Variants in WDFY2 observed in about 807,000 individuals in gnomAD.
WDFY2 encodes WD repeat and FYVE domain containing 2.
WDFY2 carries 36 observed loss-of-function variants against 56.4 expected under a neutral mutation model. The ratio of observed to expected loss-of-function variants is 0.64; its 90% CI spans 0.49 to 0.84. The LOEUF is 0.84. WDFY2 is among the 40% of genes least tolerant of loss of function. The pLI, the probability that WDFY2 is intolerant of heterozygous loss-of-function variation, is 0.00. For synonymous variants in WDFY2, 176 were observed against 183.7 expected (o/e 0.96, Z 0.34); for missense variants, 444 against 512.2 (o/e 0.87, Z 1.29).
At position 51,584,753 on chromosome 13, in the gene WDFY2, G is replaced by T. The variant is rs1461043289; in HGVS notation, c.66G>T (p.Gly22=). The T allele has an allele frequency of 6.2e-7, 1 of 1,613,898 alleles. No homozygotes were observed. Among genetic ancestry groups the T allele is most frequent in the Non-Finnish European group, 8.5e-7 (1 of 1,179,804 alleles). ...RKPILLQRME[G]SQEVVNMAVI... is the part of the protein sequence containing the mutation. ...CGATCCTGCTGCAGCGGATGGAGGG[G>T]TCCCAGGAGGTGGTGAATATGGCCG... Residue 22 remains glycine (G), a synonymous_variant, in exon 1 of 12, where the codon GGG becomes GGT. Coordinates refer to ENST00000298125, the MANE Select transcript of WDFY2 (RefSeq NM_052950.4).
At chr13:51,625,180 A>G (rs917017999) in intron 1 of WDFY2, among the ~76,000 whole-genome samples, 7 of 152,184 alleles carry the variant, frequency 4.6e-5, no homozygotes, top group African/African-American at 1.4e-4. Flanking sequence ...AGGTGATGTG[A>G]TGGTGGCCAG....
intron 5 of WDFY2, among the ~76,000 whole-genome samples, chr13:51,722,893 C>G (rs774493831): frequency 5.3e-5 from 8 of 152,184 alleles, no homozygotes; most frequent in Admixed American, 3.9e-4. Context: ...TTGTCAGTGT[C>G]TTGTTATTTG....
intron 11 of WDFY2, 101 bp downstream of exon 11, chr13:51,758,401 G>A (rs1194274334): frequency 1.5e-5 from 12 of 802,858 alleles, no homozygotes; most frequent in South Asian, 2.1e-5. Flanking sequence ...GTTATCCTTG[G>A]GTAGCCGGCC....
chr13:51,700,238 A>G (rs1951954786), intron 3 of WDFY2, among the ~76,000 whole-genome samples: 1 of 152,232 alleles, frequency 6.6e-6, no homozygotes, highest in South Asian at 2.1e-4. Flanking sequence ...TTGCTTGTAT[A>G]TCCTATATTG....
chr13:51,593,030 TGTTA>T (rs1277311590), intron 1 of WDFY2, among the ~76,000 whole-genome samples: 1 of 152,214 alleles, frequency 6.6e-6, no homozygotes, highest in East Asian at 1.9e-4. Context: ...GCACAGTGAC[TGTTA>T]GTATTTCATA....
At chr13:51,606,940 AGTATCCCTT>A (rs1954394686) in intron 1 of WDFY2, among the ~76,000 whole-genome samples, 1 of 152,212 alleles carries the variant, frequency 6.6e-6, no homozygotes, top group South Asian at 2.1e-4. Flanking sequence ...GGCAGAAAGC[AGTATCCCTT>A]CAGTACCAGC....
chr13:51,756,523 C>A, intron 10 of WDFY2, 61 bp downstream of exon 10: 1 of 1,551,308 alleles, frequency 6.4e-7, no homozygotes. Context: ...CTGAGCCTTG[C>A]ACTCAGCGCC....
At chr13:51,661,610 G>A (rs1281829914) in intron 2 of WDFY2, among the ~76,000 whole-genome samples, 35 of 152,068 alleles carry the variant, frequency 2.3e-4, no homozygotes, top group Non-Finnish European at 1.5e-5. Context: ...TGGCAAAAGA[G>A]TACTGTAATA....
chr13:51,679,681 A>C (rs56882246), intron 3 of WDFY2, among the ~76,000 whole-genome samples: 2 of 152,298 alleles, frequency 1.3e-5, no homozygotes, highest in East Asian at 1.9e-4. Flanking sequence ...TAGGGCTGCC[A>C]TAACAGTACC....
At chr13:51,655,958 A>G (rs1183737087) in intron 1 of WDFY2, among the ~76,000 whole-genome samples, 3 of 151,360 alleles carry the variant, frequency 2.0e-5, no homozygotes, top group African/African-American at 7.3e-5. Context: ...ATTTTCTCCT[A>G]TAATCCTTTA....
chr13:51,758,370 A>AGTGCCTCCCATGTTCT, intron 11 of WDFY2, 70 bp downstream of exon 11: 1 of 1,178,272 alleles, frequency 8.5e-7, no homozygotes, highest in Non-Finnish European at 1.2e-6. Flanking sequence ...CACCAAGAAC[A>AGTGCCTCCCATGTTCT]TGGGAGGCAC....
intron 6 of WDFY2, among the ~76,000 whole-genome samples, chr13:51,732,126 G>A (rs1294331296): frequency 1.3e-5 from 2 of 152,056 alleles, no homozygotes; most frequent in Non-Finnish European, 2.9e-5. Flanking sequence ...TTGAACAGAG[G>A]AGAATTTTTT....
chr13:51,740,220 G>A (rs1260730377), intron 7 of WDFY2, among the ~76,000 whole-genome samples: 1 of 152,238 alleles, frequency 6.6e-6, no homozygotes, highest in African/African-American at 2.4e-5. Context: ...AGAATTTAGT[G>A]TTAGAGAAGT....
intron 1 of WDFY2, among the ~76,000 whole-genome samples, chr13:51,601,498 T>C (rs1310258965): frequency 6.6e-6 from 1 of 151,878 alleles, no homozygotes; most frequent in African/African-American, 2.4e-5. Context: ...CACTGCAACC[T>C]CTGCCTCCGG....
intron 1 of WDFY2, among the ~76,000 whole-genome samples, chr13:51,640,127 C>T (rs1484939415): frequency 1.3e-5 from 2 of 152,082 alleles, no homozygotes; most frequent in African/African-American, 4.8e-5. Context: ...TTATTAATAT[C>T]AATAAAGGAT....
chr13:51,589,431 A>G (rs1954004149), intron 1 of WDFY2: 2 of 152,134 alleles, frequency 1.3e-5, no homozygotes, highest in Non-Finnish European at 2.9e-5. Flanking sequence ...TGTTTCCTGA[A>G]AAAAATATGT....
At chr13:51,612,842 A>G (rs1240205892) in intron 1 of WDFY2, among the ~76,000 whole-genome samples, 2 of 152,196 alleles carry the variant, frequency 1.3e-5, no homozygotes, top group Non-Finnish European at 2.9e-5. Flanking sequence ...AGAGATTGTG[A>G]TCAGTAGCAT....
chr13:51,625,422 G>C (rs1364418684), intron 1 of WDFY2, among the ~76,000 whole-genome samples: 3 of 152,118 alleles, frequency 2.0e-5, no homozygotes, highest in Non-Finnish European at 4.4e-5. Flanking sequence ...TCTGTTTTAA[G>C]GTGGGAAGGA....
At chr13:51,682,657 G>C (rs536064343) in intron 3 of WDFY2, among the ~76,000 whole-genome samples, 1 of 152,064 alleles carries the variant, frequency 6.6e-6, no homozygotes, top group Non-Finnish European at 1.5e-5. Context: ...AGTAATAGTT[G>C]TACCAATTTT....
Sources: allele counts gnomAD v4.1 joint callset (sites outside exome capture counted in the v4.1 genomes callset), GRCh38; gene constraint gnomAD v4.1.1; transcripts MANE v1.5; gene names NCBI Gene and HGNC (gene_info 2026-07-23, HGNC 2026-07-21).